Variants in OR9G4 observed in about 807,000 individuals in gnomAD.
OR9G4 encodes olfactory receptor family 9 subfamily G member 4.
In OR9G4, 19 loss-of-function variants were observed where a neutral mutation model predicts 16.7. The ratio of observed to expected loss-of-function variants is 1.14; its 90% confidence interval spans 0.79 to 1.67. OR9G4 has a LOEUF of 1.67. Among genes scored for constraint, OR9G4 ranks in the 40% most tolerant of loss-of-function variants. The probability of loss-of-function intolerance (pLI) is 0.00; values close to 1 mark genes in which losing one functional copy is unlikely to be tolerated. For synonymous variants in OR9G4, 182 were observed against 146.2 expected (o/e 1.24, Z -1.76); for missense variants, 428 against 370.4 (o/e 1.16, Z -1.28).
Position 56,743,176 on chromosome 11 carries a change from T to C in OR9G4, c.591A>G (p.Lys197=). 2 of 1,614,114 alleles carry C rather than the reference T, an allele frequency of 1.2e-6. No individual in the cohort carries two copies. Among genetic ancestry groups the C allele is most frequent in the Non-Finnish European group, 1.7e-6 (2 of 1,179,986 alleles). The change falls in exon 2 of 2, where the codon AAA becomes AAG. Residue 197 remains lysine (K), a synonymous_variant. Coordinates refer to ENST00000641668, the MANE Select transcript of OR9G4 (RefSeq NM_001005284.2). ...MSCTNTRVYE[K]VLLGVVGFTV... Reference sequence around the variant, plus strand: ...TGAAGCCCACCACACCAAGCAGGACTTTTTCGTAGACCCTGGTGTTTGTAC... The same window carrying C: ...TGAAGCCCACCACACCAAGCAGGACCTTTTCGTAGACCCTGGTGTTTGTAC...
intron 1 of OR9G4, among the ~76,000 whole-genome samples, chr11:56,744,913 C>T (rs182178310): frequency 6.6e-6 from 1 of 152,182 alleles, no homozygotes; most frequent in Non-Finnish European, 1.5e-5. Context: ...TGAGAAAAGA[C>T]AGGTCTGGCA....
rs868491331 is a variant in OR9G4, at chr11:56,741,653, G to A, written c.*1175C>T. ...AATGTCAAGTAAAGACAAATGAAAT[G>A]GCTACAACTATTTGTCCTAAATTTT... On this transcript the variant is annotated 3_prime_UTR_variant, in exon 2 of 2. Transcript: ENST00000641668. The A allele has an allele frequency of 6.6e-6, 1 of 152,122 alleles. No homozygotes were observed. The highest frequency in any genetic ancestry group is 2.4e-5 in the African/African-American group (1 of 41,416). The allele number at this position is 152,122 out of a possible 1,614,324, so 9.4% of individuals were successfully genotyped here. A position where few individuals can be genotyped will look rare whatever the true frequency, so the allele number is the denominator to read the frequency against.
chr11:56,745,055 A>T (rs1304213426), intron 1 of OR9G4, among the ~76,000 whole-genome samples: 1 of 152,216 alleles, frequency 6.6e-6, no homozygotes, highest in Non-Finnish European at 1.5e-5. Flanking sequence ...AGGGCGAGAA[A>T]ACATCCATGT....
chr11:56,743,670 T>C lies in OR9G4; in HGVS notation c.97A>G (p.Met33Val). 6.2e-7 allele frequency: 1 copy of C among 1,614,086 alleles called. No homozygotes were observed. The highest frequency in any genetic ancestry group is 8.5e-7 in the Non-Finnish European group (1 of 1,179,996). The change falls in exon 2 of 2, where the codon ATG becomes GTG. Residue 33 changes from methionine (M) to valine (V), a missense_variant. By Grantham distance (21) the Met-to-Val change is conservative. Transcript: ENST00000641668. ...CCTGACAAGGTTATCAAATAGAGCATCAGAAACACTCCAAATAGAATCGGC... is the reference window on the plus strand; with the variant it reads ...CCTGACAAGGTTATCAAATAGAGCACCAGAAACACTCCAAATAGAATCGGC... ...WQPILFGVFL[M>V]LYLITLSGNM...
At chr11:56,743,985 A>T in intron 1 of OR9G4, 197 bp from the exon 2 acceptor site, 1 of 602,272 alleles carries the variant, frequency 1.7e-6, no homozygotes, top group Non-Finnish European at 2.9e-6. Context: ...TAGGAATTTT[A>T]TTTATTAACT....
rs1019926426 is a variant in OR9G4, at chr11:56,742,830, A to G, written c.937T>C (p.Ter313ArgextTer36). The G allele has an allele frequency of 6.2e-7, 1 of 1,609,680 alleles. No homozygotes were observed. The highest frequency in any genetic ancestry group is 1.1e-5 in the South Asian group (1 of 90,112). Reference sequence around the variant, plus strand: ...AGCATTTGCAAAGAGAATAACCTTCATGTTTGTGGTTGTATAGTCTGTGTT... The same window carrying G: ...AGCATTTGCAAAGAGAATAACCTTCGTGTTTGTGGTTGTATAGTCTGTGTT... ...KATQTIQPQT[*>R] Residue 313 changes from the stop codon to arginine (R), a stop_lost, in exon 2 of 2, where the codon TGA becomes CGA. Transcript: ENST00000641668.
At position 56,743,009 on chromosome 11, in the gene OR9G4, C is replaced by T. The variant is rs867938563; in HGVS notation, c.758G>A (p.Gly253Glu). ...SHLISVMLFY[G>E]SLLFMYSRPS... The stretch of plus-strand genomic sequence containing the variant: ...CCTTGAATACATAAACAACAATGAT[C>T]CATAGAAGAGCATGACTGAGATGAG... Residue 253 changes from glycine (G) to glutamate (E), a missense_variant, in exon 2 of 2, where the codon GGA becomes GAA. Physicochemically the swap from Gly to Glu is moderately conservative, Grantham distance 98. Coordinates refer to ENST00000641668, the MANE Select transcript of OR9G4 (RefSeq NM_001005284.2). The T allele has an allele frequency of 1.2e-6, 2 of 1,614,032 alleles. No individual in the cohort carries two copies. Among genetic ancestry groups the T allele is most frequent in the Non-Finnish European group, 1.7e-6 (2 of 1,179,960 alleles).
chr11:56,743,836 C>A (rs1024037222), intron 1 of OR9G4, 48 bp from the exon 2 acceptor site: 17 of 1,578,372 alleles, frequency 1.1e-5, no homozygotes, highest in Non-Finnish European at 1.5e-5. Flanking sequence ...TCTATTCACA[C>A]AAGTTGACAA....
intron 1 of OR9G4, among the ~76,000 whole-genome samples, chr11:56,744,716 C>G (rs1057041868): frequency 6.6e-6 from 1 of 152,110 alleles, no homozygotes; most frequent in African/African-American, 2.4e-5. Flanking sequence ...TCTCTTCTCA[C>G]TTTTAAAATC....
rs754962731 is a variant in OR9G4 at position 56,741,769 on chromosome 11, G to C, written c.*1059C>G. 9 of 151,582 alleles carry C rather than the reference G, an allele frequency of 5.9e-5. No homozygotes were observed. Among genetic ancestry groups the C allele is most frequent in the Non-Finnish European group, 1.2e-4 (8 of 68,044 alleles). The allele number at this position is 151,582 out of a possible 1,614,324, so 9.4% of individuals were successfully genotyped here. On this transcript the variant is annotated 3_prime_UTR_variant, in exon 2 of 2. Coordinates refer to ENST00000641668, the MANE Select transcript of OR9G4 (RefSeq NM_001005284.2). The stretch of plus-strand genomic sequence containing the variant: ...TTGCTAACCTCTGAGCTGCAAGCTT[G>C]TGATTTGAAAATTGTAACCATTAAT...
At chr11:56,744,608 A>T (rs1177084720) in intron 1 of OR9G4, among the ~76,000 whole-genome samples, 2 of 152,148 alleles carry the variant, frequency 1.3e-5, no homozygotes, top group African/African-American at 4.8e-5. Flanking sequence ...TAACCCCTTG[A>T]GTCTTGGATG....
At position 56,743,669 on chromosome 11, in the gene OR9G4, A is replaced by G. The variant is rs751548488; in HGVS notation, c.98T>C (p.Met33Thr). The change falls in exon 2 of 2, where the codon ATG becomes ACG. Residue 33 changes from methionine (M) to threonine (T), a missense_variant. Transcript: ENST00000641668. ...TCCTGACAAGGTTATCAAATAGAGC[A>G]TCAGAAACACTCCAAATAGAATCGG... ...WQPILFGVFL[M>T]LYLITLSGNM... is the part of the protein sequence containing the mutation. The G allele has an allele frequency of 6.2e-7, 1 of 1,614,172 alleles. No individual in the cohort carries two copies. The highest frequency in any genetic ancestry group is 8.5e-7 in the Non-Finnish European group (1 of 1,180,016).
intron 1 of OR9G4, among the ~76,000 whole-genome samples, chr11:56,746,415 G>A (rs553697042): frequency 6.6e-6 from 1 of 151,398 alleles, no homozygotes. Context: ...GACTCATGAA[G>A]CTCTTTGAGA....
At position 56,741,906 on chromosome 11, in the gene OR9G4, G is replaced by A. The variant is rs1858306654; in HGVS notation, c.*922C>T. 6.6e-6 allele frequency: 1 copy of A among 152,224 alleles called. No homozygotes were observed. The highest frequency in any genetic ancestry group is 6.5e-5 in the Admixed American group (1 of 15,284). 9.4% of individuals were successfully genotyped at this position (152,224 alleles called of 1,614,324 possible). A position where few individuals can be genotyped will look rare whatever the true frequency, so the allele number is the denominator to read the frequency against. ...CAGGGTTTAGGGAATTGGGCTCGAG[G>A]CCAAGGCTAGTTTCCATGTGGTTAG... is the stretch of plus-strand genomic sequence containing the variant. On this transcript the variant is annotated 3_prime_UTR_variant, in exon 2 of 2. Coordinates refer to ENST00000641668, the MANE Select transcript of OR9G4 (RefSeq NM_001005284.2).
Position 56,742,898 on chromosome 11 carries a change from T to C in OR9G4, c.869A>G (p.Tyr290Cys). The change falls in exon 2 of 2, where the codon TAT becomes TGT. Residue 290 changes from tyrosine (Y) to cysteine (C), a missense_variant. Coordinates refer to ENST00000641668, the MANE Select transcript of OR9G4 (RefSeq NM_001005284.2). ...TTTGATATCTTTGTTTCTCAGGCTA[T>C]AGATGAGAGGGTTGAGCAGTGGGTT... ...VINPLLNPLI[Y>C]SLRNKDIKEA... 6.2e-7 allele frequency: 1 copy of C among 1,613,976 alleles called. No homozygotes were observed. The highest frequency in any genetic ancestry group is 8.5e-7 in the Non-Finnish European group (1 of 1,179,842).
chr11:56,741,833 A>G lies in OR9G4; in HGVS notation c.*995T>C, dbSNP rs1458303667. 1 of 152,232 alleles carries G rather than the reference A, an allele frequency of 6.6e-6. No homozygotes were observed. The highest frequency in any genetic ancestry group is 3.2e-3 in the Middle Eastern group (1 of 316). 9.4% of individuals were successfully genotyped at this position (152,232 alleles called of 1,614,324 possible). On this transcript the variant is annotated 3_prime_UTR_variant, in exon 2 of 2. Coordinates refer to ENST00000641668, the MANE Select transcript of OR9G4 (RefSeq NM_001005284.2). ...TCTTCTAAAGGCTACTAAATGAAAT[A>G]TCAACCCAACCTGCCATCACAAGGG... is the stretch of plus-strand genomic sequence containing the variant.
At chr11:56,745,890 C>T (rs1437750763) in intron 1 of OR9G4, among the ~76,000 whole-genome samples, 2 of 152,048 alleles carry the variant, frequency 1.3e-5, no homozygotes, top group African/African-American at 2.4e-5. Flanking sequence ...TCTTGGGATA[C>T]ACAGGACATT....
In OR9G4 at chr11:56,742,714, A is replaced by C; in HGVS notation, c.*114T>G. ...CAAGGAGTCATGTGGTCAATATTTTAATGTTTTAAATATGACTTATTGAAC... is the reference window on the plus strand; with the variant it reads ...CAAGGAGTCATGTGGTCAATATTTTCATGTTTTAAATATGACTTATTGAAC... On this transcript the variant is annotated 3_prime_UTR_variant, in exon 2 of 2. Transcript: ENST00000641668. The C allele has an allele frequency of 1.2e-6, 1 of 867,456 alleles. No individual in the cohort carries two copies. Among genetic ancestry groups the C allele is most frequent in the Non-Finnish European group, 1.8e-6 (1 of 553,844 alleles). 53.7% of individuals were successfully genotyped at this position (867,456 alleles called of 1,614,324 possible).
Position 56,743,434 on chromosome 11 carries a change from T to C in OR9G4, c.333A>G (p.Glu111=), listed in dbSNP as rs367951327. The C allele has an allele frequency of 3.9e-5, 63 of 1,614,090 alleles. No individual in the cohort carries two copies. The South Asian group carries it at 6.5e-4, about 17-fold the overall frequency. ...ATGCCATGGCTGCCAGGAGATAGCA[T>C]TCAGTGTAGGCTACAACACAGGAAA... ...LFFSCVVAYT[E]CYLLAAMAYD... is the part of the protein sequence containing the mutation. The change falls in exon 2 of 2, where the codon GAA becomes GAG. Residue 111 remains glutamate (E), a synonymous_variant. Coordinates refer to ENST00000641668, the MANE Select transcript of OR9G4 (RefSeq NM_001005284.2).
Sources: allele counts gnomAD v4.1 joint callset (sites outside exome capture counted in the v4.1 genomes callset), GRCh38; gene constraint gnomAD v4.1.1; transcripts MANE v1.5; gene names NCBI Gene and HGNC (gene_info 2026-07-23, HGNC 2026-07-21).